Variants in TRAF3 observed in about 807,000 individuals in gnomAD.
TRAF3 encodes the protein TNF receptor-associated factor 3.
TRAF3 carries 13 observed loss-of-function variants against 62.3 expected under a neutral mutation model. That is an observed-to-expected ratio of 0.21 (90% CI 0.14 to 0.33). The LOEUF is 0.33. TRAF3 is among the 10% of genes least tolerant of loss of function. The pLI, the probability that TRAF3 is intolerant of heterozygous loss-of-function variation, is 1.00. For missense variants in TRAF3, 440 were observed against 741.8 expected (o/e 0.59, Z 4.73); for synonymous variants, 269 against 283.4 (o/e 0.95, Z 0.51).
At position 102,899,491 on chromosome 14, in the gene TRAF3, C is replaced by G. The variant is rs76788255; in HGVS notation, c.960+2090C>G. Among the ~76,000 whole-genome samples, 1,228 of 152,314 alleles carry G rather than the reference C, an allele frequency of 8.1e-3. 48 individuals carry two copies. The East Asian group carries it at 0.12, about 15-fold the overall frequency. On this transcript the variant is annotated intron_variant, in intron 10 of 11. Transcript: ENST00000392745. ...AACCTCTGTGCCTGGCCACCGGTCA[C>G]CTTCCCAGCTTCGCCCCACTCCCTG...
At chr14:102,879,466 C>G (rs1888916152) in intron 6 of TRAF3, among the ~76,000 whole-genome samples, 1 of 151,980 alleles carries the variant, frequency 6.6e-6, no homozygotes, top group Non-Finnish European at 1.5e-5. Flanking sequence ...CCATGTTGCC[C>G]AGTCTGGTCT....
At position 102,903,143 on chromosome 14, in the gene TRAF3, T is replaced by C. The variant is rs781759466; in HGVS notation, c.961-112T>C. On this transcript the variant is annotated intron_variant, in intron 10 of 11. Transcript: ENST00000392745. The surrounding 1 kb of genome is among the most constrained non-coding windows in gnomAD (Gnocchi z 6.4). ...TCAGAGCCGCGGGTGGCAGGCCTCA[T>C]ACAGGGGCCTCTGACTGTTCTGCTC... The C allele has an allele frequency of 2.0e-6, 3 of 1,482,170 alleles. No homozygotes were observed. The highest frequency in any genetic ancestry group is 2.8e-6 in the Non-Finnish European group (3 of 1,063,662). 91.8% of individuals were successfully genotyped at this position (1,482,170 alleles called of 1,614,324 possible). A position where few individuals can be genotyped will look rare whatever the true frequency, so the allele number is the denominator to read the frequency against.
intron 1 of TRAF3, among the ~76,000 whole-genome samples, chr14:102,815,643 G>T (rs373855312): frequency 6.6e-6 from 1 of 152,176 alleles, no homozygotes; most frequent in East Asian, 1.9e-4. Flanking sequence ...GGGACTACTT[G>T]TATTAGTCTG....
intron 10 of TRAF3, among the ~76,000 whole-genome samples, chr14:102,901,230 G>C (rs1890280963): frequency 6.6e-6 from 1 of 152,168 alleles, no homozygotes; most frequent in Non-Finnish European, 1.5e-5. Flanking sequence ...CCCTTGCGTA[G>C]CACAATCGCG....
chr14:102,800,357 C>T (rs1009101521), intron 1 of TRAF3, among the ~76,000 whole-genome samples: 2 of 152,156 alleles, frequency 1.3e-5, no homozygotes, highest in African/African-American at 2.4e-5. Context: ...GTGATCATTG[C>T]GTTCATTTAA....
chr14:102,850,025 C>G (rs1488145477), intron 2 of TRAF3, among the ~76,000 whole-genome samples: 1 of 152,182 alleles, frequency 6.6e-6, no homozygotes, highest in African/African-American at 2.4e-5. Flanking sequence ...CTTTCCAGCT[C>G]TTGGAGCACC....
In TRAF3 at chr14:102,870,275, G is replaced by T. The variant is rs370955205; in HGVS notation, c.74G>T (p.Arg25Leu). The change falls in exon 3 of 12, where the codon CGC (arginine) becomes CTC (leucine). Residue 25 changes from arginine (R) to leucine (L), a missense_variant. By Grantham distance (102) the Arg-to-Leu change is moderately radical. Coordinates refer to ENST00000392745, the MANE Select transcript of TRAF3 (RefSeq NM_145725.3). ...TNPPLKLHTD[R>L]SAGTPVFVPE... ...CCGCCGCTAAAGCTGCACACTGACCGCAGTGCTGGGACGCCAGTTTTTGTC... is the reference window on the plus strand; with the variant it reads ...CCGCCGCTAAAGCTGCACACTGACCTCAGTGCTGGGACGCCAGTTTTTGTC... 6.9e-5 allele frequency: 111 copies of T among 1,614,190 alleles called. 1 individual carries two copies. The South Asian group carries it at 1.1e-3, about 15-fold the overall frequency.
chr14:102,887,949 G>T (rs1440204284), intron 7 of TRAF3, among the ~76,000 whole-genome samples: 1 of 152,074 alleles, frequency 6.6e-6, no homozygotes, highest in East Asian at 1.9e-4. Context: ...GGTTTCTGAT[G>T]AAAGGTGCTT....
At chr14:102,837,591 C>T (rs1182817256) in intron 2 of TRAF3, among the ~76,000 whole-genome samples, 4 of 151,786 alleles carry the variant, frequency 2.6e-5, no homozygotes, top group Non-Finnish European at 4.4e-5. Context: ...TATATGAGTC[C>T]TAAGGGAGTA....
intron 2 of TRAF3, among the ~76,000 whole-genome samples, chr14:102,830,880 T>G (rs550127588): frequency 1.1e-4 from 17 of 152,368 alleles, no homozygotes; most frequent in African/African-American, 4.1e-4. Context: ...CTGTATTTAC[T>G]AAGGCAGGAC....
chr14:102,881,408 A>G (rs546837846), intron 6 of TRAF3, among the ~76,000 whole-genome samples: 2,813 of 152,150 alleles, frequency 0.018, 36 homozygotes, highest in African/African-American at 0.022. Flanking sequence ...AAAAAAAAAA[A>G]AAGAAAAAAA....
At position 102,870,287 on chromosome 14, in the gene TRAF3, C is replaced by T. The variant is rs547180445; in HGVS notation, c.86C>T (p.Thr29Met). 2.4e-5 allele frequency: 38 copies of T among 1,614,182 alleles called. No individual in the cohort carries two copies. The highest frequency in any genetic ancestry group is 1.8e-4 in the Admixed American group (11 of 60,024). The change falls in exon 3 of 12, where the codon ACG (threonine) becomes ATG (methionine). Residue 29 changes from threonine (T) to methionine (M), a missense_variant. Physicochemically the swap from Thr to Met is moderately conservative, Grantham distance 81. Coordinates refer to ENST00000392745, the MANE Select transcript of TRAF3 (RefSeq NM_145725.3). ...LKLHTDRSAG[T>M]PVFVPEQGGY... is the part of the protein sequence containing the mutation. ...CTGCACACTGACCGCAGTGCTGGGA[C>T]GCCAGTTTTTGTCCCTGAACAAGGA...
chr14:102,848,583 A>G (rs1186055005), intron 2 of TRAF3, among the ~76,000 whole-genome samples: 1 of 152,250 alleles, frequency 6.6e-6, no homozygotes, highest in Admixed American at 6.5e-5. Context: ...ATTTATAATC[A>G]TGATCTCATA....
At chr14:102,786,301 G>T (rs1475792056) in intron 1 of TRAF3, among the ~76,000 whole-genome samples, 2 of 152,210 alleles carry the variant, frequency 1.3e-5, no homozygotes, top group Non-Finnish European at 2.9e-5. Context: ...CATTATGAAT[G>T]TATTTAATAC....
At chr14:102,847,174 C>A (rs1886775989) in intron 2 of TRAF3, among the ~76,000 whole-genome samples, 1 of 151,978 alleles carries the variant, frequency 6.6e-6, no homozygotes, top group African/African-American at 2.4e-5. Flanking sequence ...TTTGAAATTT[C>A]ATTTTTATTT....
chr14:102,798,385 A>G (rs530534543), intron 1 of TRAF3, among the ~76,000 whole-genome samples: 2 of 152,248 alleles, frequency 1.3e-5, no homozygotes, highest in Admixed American at 6.5e-5. Flanking sequence ...CACACCTGCA[A>G]TCCCAGCACT....
chr14:102,846,249 A>G (rs1289503994), intron 2 of TRAF3, among the ~76,000 whole-genome samples: 3 of 152,170 alleles, frequency 2.0e-5, no homozygotes, highest in Non-Finnish European at 1.5e-5. Flanking sequence ...AGTCGTGTTT[A>G]TATTTGCTCC....
chr14:102,854,799 CTG>C (rs1473672164), intron 2 of TRAF3, among the ~76,000 whole-genome samples: 4 of 113,618 alleles, frequency 3.5e-5, no homozygotes, highest in Non-Finnish European at 5.2e-5. Flanking sequence ...CCGCACCTGG[CTG>C]TTTTTTTTTT....
rs373815752 is a variant in TRAF3 at position 102,886,273 on chromosome 14, G to A, written c.651+4G>A. 1 of 1,608,604 alleles carries A rather than the reference G, an allele frequency of 6.2e-7. No homozygotes were observed. The highest frequency in any genetic ancestry group is 1.1e-5 in the South Asian group (1 of 90,842). On this transcript the variant is annotated splice_donor_region_variant and intron_variant, in intron 7 of 11. Transcript: ENST00000392745. ...CCAGACTCTCCTGAGGAGCGAGGTA[G>A]GGGCGGCCGGGCCCGGCCGGGAGTC...
Sources: allele counts gnomAD v4.1 joint callset (sites outside exome capture counted in the v4.1 genomes callset), GRCh38; gene constraint gnomAD v4.1.1; non-coding constraint Gnocchi (gnomAD v3.1); transcripts MANE v1.5; gene names NCBI Gene and HGNC (gene_info 2026-07-23, HGNC 2026-07-21).